SH3RF3: variants seen among roughly 807,000 people sequenced by gnomAD.
The protein encoded by SH3RF3 is E3 ubiquitin-protein ligase SH3RF3.
A neutral mutation model predicts 66.3 loss-of-function variants in SH3RF3; 29 were observed. The ratio of observed to expected loss-of-function variants is 0.44; its 90% CI spans 0.33 to 0.60. The LOEUF is 0.60. Ranked by LOEUF, SH3RF3 falls within the 20% of genes least tolerant of loss-of-function variation. The pLI, the probability that SH3RF3 is intolerant of heterozygous loss-of-function variation, is 0.04. For missense variants in SH3RF3, 1,194 were observed against 1,190.9 expected, an observed-to-expected ratio of 1.00 and a Z score of -0.04; for synonymous variants, 583 against 532.0, an observed-to-expected ratio of 1.10 and a Z score of -1.32.
chr2:109,290,963 A>G (rs1559004795), intron 1 of SH3RF3, among the ~76,000 whole-genome samples: 1 of 152,270 alleles, frequency 6.6e-6, no homozygotes, highest in Non-Finnish European at 1.5e-5. Context: ...GCCCGGCAAT[A>G]TGCCGGGTAC....
intron 1 of SH3RF3, among the ~76,000 whole-genome samples, chr2:109,174,920 A>G (rs749444260): frequency 6.6e-6 from 1 of 152,236 alleles, no homozygotes; most frequent in African/African-American, 2.4e-5. Context: ...CACTGATGTC[A>G]TCTAATGGGG....
chr2:109,150,972 G>A (rs1181956043), intron 1 of SH3RF3, among the ~76,000 whole-genome samples: 2 of 152,152 alleles, frequency 1.3e-5, no homozygotes, highest in Admixed American at 6.5e-5. Flanking sequence ...GAAGTCAGGT[G>A]GTACCTTTTC....
At chr2:109,498,960 G>A (rs1223045686) in intron 9 of SH3RF3, among the ~76,000 whole-genome samples, 1 of 152,208 alleles carries the variant, frequency 6.6e-6, no homozygotes, top group East Asian at 1.9e-4. Flanking sequence ...AGCTGGTGGA[G>A]TGGGAAGGGC....
chr2:109,240,979 C>T (rs1290033749), intron 1 of SH3RF3, among the ~76,000 whole-genome samples: 1 of 152,076 alleles, frequency 6.6e-6, no homozygotes, highest in Non-Finnish European at 1.5e-5. Flanking sequence ...AACAAGTCCA[C>T]ATCTCCCCAA....
At chr2:109,412,123 C>T (rs1676606546) in intron 4 of SH3RF3, among the ~76,000 whole-genome samples, 2 of 152,202 alleles carry the variant, frequency 1.3e-5, no homozygotes, top group Admixed American at 1.3e-4. Flanking sequence ...CGGTGGATGC[C>T]GGCACAGATG....
At chr2:109,222,937 C>G (rs1384458290) in intron 1 of SH3RF3, among the ~76,000 whole-genome samples, 3 of 152,234 alleles carry the variant, frequency 2.0e-5, no homozygotes, top group Non-Finnish European at 2.9e-5. Flanking sequence ...ATGGACCTGC[C>G]CCTGCCTGGG....
At chr2:109,308,315 G>T (rs1681648692) in intron 1 of SH3RF3, among the ~76,000 whole-genome samples, 1 of 118,540 alleles carries the variant, frequency 8.4e-6, no homozygotes, top group Non-Finnish European at 1.7e-5. Context: ...TGTAGATTCT[G>T]GATATTAGCC....
intron 1 of SH3RF3, among the ~76,000 whole-genome samples, chr2:109,202,766 T>C (rs1032555008): frequency 1.3e-5 from 2 of 152,138 alleles, no homozygotes; most frequent in Admixed American, 1.3e-4. Flanking sequence ...TCCCATACTA[T>C]GGAGCTCTTA....
intron 1 of SH3RF3, among the ~76,000 whole-genome samples, chr2:109,139,216 C>T (rs1676882107): frequency 6.6e-6 from 1 of 152,134 alleles, no homozygotes; most frequent in Admixed American, 6.5e-5. Context: ...TAATTAAAAC[C>T]AGATGTGTTT....
At chr2:109,450,119 G>A (rs539113148) in intron 8 of SH3RF3, among the ~76,000 whole-genome samples, 1 of 152,350 alleles carries the variant, frequency 6.6e-6, no homozygotes, top group East Asian at 1.9e-4. Context: ...GCTGAGGCGG[G>A]CGGATCACCT....
chr2:109,222,637 C>T (rs1326014729), intron 1 of SH3RF3, among the ~76,000 whole-genome samples: 2 of 152,210 alleles, frequency 1.3e-5, no homozygotes, highest in Non-Finnish European at 2.9e-5. Context: ...AGGGTGGTGC[C>T]CTGGTGGCCT....
rs780251621 is a variant in SH3RF3, at chr2:109,398,897, C to T, written c.1253C>T (p.Ala418Val). 2.0e-5 allele frequency: 32 copies of T among 1,613,528 alleles called. 1 individual carries two copies. Among genetic ancestry groups the T allele is most frequent in the Non-Finnish European group, 1.7e-6 (2 of 1,179,898 alleles). The change falls in exon 4 of 10, where the codon GCC becomes GTC. Residue 418 changes from alanine (A) to valine (V), a missense_variant. Ala to Val is a moderately conservative substitution (Grantham distance 64). Transcript: ENST00000309415. ...AGCTCCAGCGATCCCCGAGCCGCGG[C>T]CAGGATTGGAGACCTTGCTCATCTG... is the stretch of plus-strand genomic sequence containing the variant. Reference protein sequence around the residue: ...LISSSDPRAAARIGDLAHLSC... With the variant: ...LISSSDPRAAVRIGDLAHLSC...
intron 1 of SH3RF3, among the ~76,000 whole-genome samples, chr2:109,270,455 T>G (rs575691836): frequency 3.9e-5 from 6 of 152,172 alleles, no homozygotes; most frequent in Non-Finnish European, 8.8e-5. Context: ...ACATTTCTTC[T>G]TGTTTCCACT....
At chr2:109,306,457 C>A (rs988307993) in intron 1 of SH3RF3, among the ~76,000 whole-genome samples, 1 of 152,250 alleles carries the variant, frequency 6.6e-6, no homozygotes, top group Non-Finnish European at 1.5e-5. Flanking sequence ...GCTGCACATA[C>A]CGCAGAAGGT....
At chr2:109,250,105 T>TG (rs1680049662) in intron 1 of SH3RF3, among the ~76,000 whole-genome samples, 1 of 150,136 alleles carries the variant, frequency 6.7e-6, no homozygotes, top group South Asian at 2.1e-4. Context: ...TTTTTTTTTT[T>TG]GTCTAATTAG....
intron 3 of SH3RF3, among the ~76,000 whole-genome samples, chr2:109,383,612 G>A (rs1034120459): frequency 2.0e-5 from 3 of 152,198 alleles, no homozygotes; most frequent in Non-Finnish European, 4.4e-5. Flanking sequence ...TGTGTGCCCT[G>A]TGGGGTACTT....
At chr2:109,405,288 A>G (rs569155199) in intron 4 of SH3RF3, among the ~76,000 whole-genome samples, 20 of 152,234 alleles carry the variant, frequency 1.3e-4, no homozygotes, top group African/African-American at 4.3e-4. Flanking sequence ...CTGTTCCTCA[A>G]GGAGTCACCA....
intron 8 of SH3RF3, among the ~76,000 whole-genome samples, chr2:109,489,760 C>T (rs951043755): frequency 2.6e-5 from 4 of 151,026 alleles, no homozygotes; most frequent in South Asian, 2.1e-4. Flanking sequence ...GCGGGGGGGA[C>T]GGAGTCTCGC....
chr2:109,356,530 C>T (rs1029063201), intron 2 of SH3RF3, among the ~76,000 whole-genome samples: 8 of 152,204 alleles, frequency 5.3e-5, no homozygotes, highest in Non-Finnish European at 1.2e-4. Flanking sequence ...ATACCAGATG[C>T]TGACCTTCTC....
Sources: allele counts gnomAD v4.1 joint callset (sites outside exome capture counted in the v4.1 genomes callset), GRCh38; gene constraint gnomAD v4.1.1; transcripts MANE v1.5; gene names NCBI Gene and HGNC (gene_info 2026-07-23, HGNC 2026-07-21).